Variants in NTRK1 observed in about 807,000 individuals in gnomAD.
NTRK1 encodes high affinity nerve growth factor receptor.
Under a neutral mutation model 86.8 loss-of-function variants are expected in NTRK1, and 62 were observed. That is an observed-to-expected ratio of 0.71 (90% CI 0.58 to 0.88). NTRK1 has a LOEUF of 0.88. Among genes scored for constraint, NTRK1 ranks in the 40% least tolerant of loss-of-function variants. The pLI is 0.00. For missense variants in NTRK1, 967 were observed against 1,078.4 expected, an observed-to-expected ratio of 0.90 and a Z score of 1.45; for synonymous variants, 469 against 456.6, an observed-to-expected ratio of 1.03 and a Z score of -0.35.
At chr1:156,848,183 C>A (rs553761988) in intron 2 of NTRK1, among the ~76,000 whole-genome samples, 1 of 152,270 alleles carries the variant, frequency 6.6e-6, no homozygotes, top group South Asian at 2.1e-4. Flanking sequence ...TCTCCTACAA[C>A]TGACTTCCTT....
rs764771898 is a variant in NTRK1 at position 156,875,009 on chromosome 1, G to A, written c.1354+1G>A. On this transcript the variant is annotated splice_donor_variant, in intron 11 of 16. Coordinates refer to ENST00000524377, the MANE Select transcript of NTRK1 (RefSeq NM_002529.4). LOFTEE classifies it high-confidence loss of function. ...CGGAGAAACAAGTTTGGGATCAACC[G>A]TGAGTCGGGGCTGCAGAGGGCTGTC... is the stretch of plus-strand genomic sequence containing the variant. 11 of 1,605,204 alleles carry A rather than the reference G, an allele frequency of 6.9e-6. No homozygotes were observed. The highest frequency in any genetic ancestry group is 8.5e-6 in the Non-Finnish European group (10 of 1,171,950).
intron 5 of NTRK1, 27 bp downstream of exon 5, chr1:156,868,276 TA>T: frequency 6.2e-7 from 1 of 1,602,950 alleles, no homozygotes; most frequent in Admixed American, 1.7e-5. Context: ...GGAGGTGGTG[TA>T]AGGGGGCTGG....
At chr1:156,866,796 G>C (rs972431768) in intron 3 of NTRK1, 114 bp from the exon 4 acceptor site, 4 of 1,142,704 alleles carry the variant, frequency 3.5e-6, no homozygotes, top group Non-Finnish European at 5.3e-6. Flanking sequence ...TGCCTAGGCC[G>C]GGGCGGGGGA....
chr1:156,834,907 A>T (rs1654559903), intron 1 of NTRK1, among the ~76,000 whole-genome samples: 1 of 152,122 alleles, frequency 6.6e-6, no homozygotes, highest in South Asian at 2.1e-4. Context: ...GTGATGGTCC[A>T]CACTTCGACT....
chr1:156,867,061 C>A, intron 4 of NTRK1, 83 bp downstream of exon 4: 1 of 1,402,450 alleles, frequency 7.1e-7, no homozygotes, highest in South Asian at 1.2e-5. Flanking sequence ...GACATTGGGT[C>A]ACTGTGTCTG....
At chr1:156,874,705 T>G (rs1348063886) in intron 10 of NTRK1, 79 bp downstream of exon 10, 2 of 1,458,366 alleles carry the variant, frequency 1.4e-6, no homozygotes, top group Non-Finnish European at 1.9e-6. Flanking sequence ...TCATTTCTGG[T>G]CAGAGCAGGG....
intron 14 of NTRK1, among the ~76,000 whole-genome samples, chr1:156,878,214 A>G (rs1448819515): frequency 6.6e-6 from 1 of 152,034 alleles, no homozygotes; most frequent in Non-Finnish European, 1.5e-5. Flanking sequence ...TGCCTGGGGC[A>G]TTGGGCCTCC....
intron 1 of NTRK1, among the ~76,000 whole-genome samples, chr1:156,823,360 T>G (rs554604704): frequency 2.0e-4 from 31 of 152,158 alleles, no homozygotes; most frequent in Non-Finnish European, 3.1e-4. Context: ...TCCTGAGCCT[T>G]CAACAGGCCA....
chr1:156,844,278 C>T (rs1160318683), intron 2 of NTRK1: 2 of 1,612,312 alleles, frequency 1.2e-6, no homozygotes, highest in East Asian at 2.2e-5. Context: ...GCATCCTCCT[C>T]CTCTGGCAGT....
rs201220502 is a variant in NTRK1 at position 156,866,991 on chromosome 1, G to T, written c.428+13G>T. On this transcript the variant is annotated intron_variant, in intron 4 of 16. Coordinates refer to ENST00000524377, the MANE Select transcript of NTRK1 (RefSeq NM_002529.4). ...CCTTACAGGAACTGTGAGTGGGGGC[G>T]CTTCCAGGGGCAAGAGCACCAAGTG... The T allele has an allele frequency of 1.2e-4, 186 of 1,613,628 alleles. No homozygotes were observed. The highest frequency in any genetic ancestry group is 1.5e-4 in the Non-Finnish European group (172 of 1,179,608).
Position 156,881,741 on chromosome 1 carries a change from T to C in NTRK1, c.*99T>C. Reference sequence around the variant, plus strand: ...GCAGCCCCAGGGTGATCTCAAAGTATCTAATTCACCCTCAGCATGTGGGAA... The same window carrying C: ...GCAGCCCCAGGGTGATCTCAAAGTACCTAATTCACCCTCAGCATGTGGGAA... On this transcript the variant is annotated 3_prime_UTR_variant, in exon 17 of 17. Coordinates refer to ENST00000524377, the MANE Select transcript of NTRK1 (RefSeq NM_002529.4). The C allele has an allele frequency of 8.1e-7, 1 of 1,235,600 alleles. No homozygotes were observed. Among genetic ancestry groups the C allele is most frequent in the Non-Finnish European group, 1.1e-6 (1 of 907,852 alleles). The allele number at this position is 1,235,600 out of a possible 1,614,324, so 76.5% of individuals were successfully genotyped here. A position where few individuals can be genotyped will look rare whatever the true frequency, so the allele number is the denominator to read the frequency against.
chr1:156,851,448 G>A (rs756024484), intron 2 of NTRK1: 1 of 1,614,106 alleles, frequency 6.2e-7, no homozygotes, highest in Non-Finnish European at 8.5e-7. Flanking sequence ...GGGATGGGAA[G>A]ACAGGGCTGG....
At chr1:156,881,039 G>A (rs544624233) in intron 16 of NTRK1, among the ~76,000 whole-genome samples, 12 of 152,264 alleles carry the variant, frequency 7.9e-5, no homozygotes, top group African/African-American at 1.2e-4. Context: ...TATTTTTCAC[G>A]CCCTTTAACT....
At chr1:156,817,404 T>C (rs1427239052) in intron 1 of NTRK1, among the ~76,000 whole-genome samples, 1 of 151,524 alleles carries the variant, frequency 6.6e-6, no homozygotes, top group Non-Finnish European at 1.5e-5. Context: ...GGTAACATAG[T>C]GAGAGCCCAT....
chr1:156,827,785 G>A (rs1571643439), intron 1 of NTRK1, among the ~76,000 whole-genome samples: 1 of 152,186 alleles, frequency 6.6e-6, no homozygotes, highest in East Asian at 1.9e-4. Flanking sequence ...GAAATGGTCA[G>A]CTTCTGGCCC....
At chr1:156,824,829 G>A (rs551975612) in intron 1 of NTRK1, among the ~76,000 whole-genome samples, 1 of 152,314 alleles carries the variant, frequency 6.6e-6, no homozygotes, top group African/African-American at 2.4e-5. Flanking sequence ...CACTGGACAT[G>A]CTGGGTTACA....
At chr1:156,843,635 C>T (rs1654882314) in intron 2 of NTRK1, among the ~76,000 whole-genome samples, 1 of 152,250 alleles carries the variant, frequency 6.6e-6, no homozygotes, top group Non-Finnish European at 1.5e-5. Context: ...TAAGTACCCT[C>T]CAAGTTGGCC....
chr1:156,845,285 C>G lies in NTRK1; in HGVS notation c.50+3092C>G, dbSNP rs554654119. 2.5e-6 allele frequency: 4 copies of G among 1,612,576 alleles called. No individual in the cohort carries two copies. The highest frequency in any genetic ancestry group is 2.7e-5 in the African/African-American group (2 of 74,942). ...GAGGGGCCCAGCTGCCCGGCGGTGC[C>G]GCCCTGAGTCCCTGGGGAGAGCGAG... On this transcript the variant is annotated intron_variant, in intron 2 of 16. Coordinates refer to the NTRK1 transcript ENST00000392302.
intron 1 of NTRK1, among the ~76,000 whole-genome samples, chr1:156,820,636 G>T (rs1177384978): frequency 6.6e-6 from 1 of 152,148 alleles, no homozygotes; most frequent in Non-Finnish European, 1.5e-5. Flanking sequence ...CTGTTCCATT[G>T]GTCTACATGC....
Sources: gnomAD v4.1 joint callset for allele counts (sites outside exome capture counted in the v4.1 genomes callset) on GRCh38, gnomAD v4.1.1 for gene constraint, MANE v1.5 for transcripts, NCBI Gene and HGNC (gene_info 2026-07-23, HGNC 2026-07-21) for gene names.